TAF6L: variants seen among roughly 807,000 people sequenced by gnomAD.
The protein encoded by TAF6L is TATA-box binding protein associated factor 6 like.
In TAF6L, 34 loss-of-function variants were observed where a neutral mutation model predicts 57.3. The observed-to-expected ratio is 0.59, with a 90% CI of 0.45 to 0.79. The LOEUF is 0.79. TAF6L is among the 30% of genes least tolerant of loss of function. TAF6L has a pLI of 0.00. For missense variants in TAF6L, 782 were observed against 853.2 expected, an observed-to-expected ratio of 0.92 and a Z score of 1.04; for synonymous variants, 417 against 376.3, an observed-to-expected ratio of 1.11 and a Z score of -1.25.
intron 1 of TAF6L, among the ~76,000 whole-genome samples, chr11:62,773,619 G>C (rs1198746782): frequency 6.6e-6 from 1 of 151,608 alleles, no homozygotes; most frequent in Non-Finnish European, 1.5e-5. Flanking sequence ...GGCTAATTTT[G>C]TATTTGTAGT....
intron 1 of TAF6L, among the ~76,000 whole-genome samples, chr11:62,774,967 A>G (rs1465577457): frequency 1.3e-5 from 2 of 149,500 alleles, no homozygotes; most frequent in African/African-American, 2.5e-5. Flanking sequence ...CAGGAGGCTG[A>G]GGCAGATAAT....
intron 6 of TAF6L, among the ~76,000 whole-genome samples, chr11:62,779,775 C>T (rs886651990): frequency 5.3e-5 from 8 of 151,140 alleles, no homozygotes; most frequent in Non-Finnish European, 1.2e-4. Flanking sequence ...AAGCAATTCT[C>T]CCACCTCAGC....
chr11:62,776,748 A>G (rs2084191039), intron 3 of TAF6L, among the ~76,000 whole-genome samples: 1 of 151,780 alleles, frequency 6.6e-6, no homozygotes, highest in Non-Finnish European at 1.5e-5. Flanking sequence ...CTAGTCAGGA[A>G]ACTGAGGCAT....
intron 6 of TAF6L, among the ~76,000 whole-genome samples, chr11:62,779,952 CTA>C (rs1225374367): frequency 0.018 from 1,812 of 99,998 alleles, 109 homozygotes; most frequent in African/African-American, 0.066. Flanking sequence ...AGGCGTGAGC[CTA>C]TATATATATA....
chr11:62,786,676 T>C lies in TAF6L; in HGVS notation c.1249T>C (p.Ser417Pro). 6.2e-7 allele frequency: 1 copy of C among 1,611,796 alleles called. No individual in the cohort carries two copies. Among genetic ancestry groups the C allele is most frequent in the South Asian group, 1.1e-5 (1 of 90,916 alleles). Residue 417 changes from serine (S) to proline (P), a missense_variant, in exon 11 of 11, where the codon TCC becomes CCC. Physicochemically the swap from Ser to Pro is moderately conservative, Grantham distance 74. Coordinates refer to ENST00000294168, the MANE Select transcript of TAF6L (RefSeq NM_006473.4). ...GGGCGGTGCAGAACCCAGCTTTGGG[T>C]CCGGCCTCCCGCTGCCGCCAGGGGG... ...SGGGAEPSFGSGLPLPPGGAG... is the reference protein window; with the variant it reads ...SGGGAEPSFGPGLPLPPGGAG...
chr11:62,775,129 C>T (rs2084176863), intron 1 of TAF6L, among the ~76,000 whole-genome samples: 1 of 151,310 alleles, frequency 6.6e-6, no homozygotes, highest in Non-Finnish European at 1.5e-5. Context: ...TGACTCAATG[C>T]TGGGGAGGCC....
At chr11:62,780,963 C>T (rs952075875) in intron 6 of TAF6L, among the ~76,000 whole-genome samples, 35 of 143,420 alleles carry the variant, frequency 2.4e-4, no homozygotes, top group African/African-American at 6.1e-4. Context: ...GGGCCGGGCA[C>T]GGTGGCTAAC....
chr11:62,774,987 C>G (rs575464653), intron 1 of TAF6L, among the ~76,000 whole-genome samples: 1 of 151,418 alleles, frequency 6.6e-6, no homozygotes, highest in African/African-American at 2.4e-5. Flanking sequence ...TTACTTGAAC[C>G]CGGGAGGCGG....
chr11:62,776,094 A>C (rs927595817), intron 2 of TAF6L, among the ~76,000 whole-genome samples, 164 bp downstream of exon 2: 2 of 152,250 alleles, frequency 1.3e-5, no homozygotes, highest in East Asian at 3.8e-4. Context: ...CTGGGCTTCC[A>C]GCAGACAAAG....
intron 1 of TAF6L, among the ~76,000 whole-genome samples, chr11:62,775,163 G>T (rs188607885): frequency 1.3e-5 from 2 of 152,214 alleles, no homozygotes; most frequent in African/African-American, 4.8e-5. Context: ...AGTCATGGTG[G>T]AAGAGGAAGC....
intron 1 of TAF6L, among the ~76,000 whole-genome samples, chr11:62,774,996 G>A (rs564474488): frequency 3.3e-5 from 5 of 151,626 alleles, no homozygotes; most frequent in Admixed American, 2.0e-4. Flanking sequence ...CCCGGGAGGC[G>A]GAGGTTGCAG....
At position 62,782,107 on chromosome 11, in the gene TAF6L, C is replaced by A; in HGVS notation, c.607-6C>A. 6.2e-7 allele frequency: 1 copy of A among 1,600,226 alleles called. No homozygotes were observed. Among genetic ancestry groups the A allele is most frequent in the Non-Finnish European group, 8.5e-7 (1 of 1,172,112 alleles). On this transcript the variant is annotated splice_region_variant and splice_polypyrimidine_tract_variant and intron_variant, in intron 7 of 10. Transcript: ENST00000294168. ...GTCCCTGTAAGCTACCCTCTTCTCC[C>A]AACAGGTGAAATCTGTAAGCCATGA...
At chr11:62,773,117 A>C (rs2084161869) in intron 1 of TAF6L, among the ~76,000 whole-genome samples, 1 of 151,422 alleles carries the variant, frequency 6.6e-6, no homozygotes, top group Non-Finnish European at 1.5e-5. Flanking sequence ...CTGGGATTAC[A>C]GGCGTGAGCC....
At position 62,787,253 on chromosome 11, in the gene TAF6L, G is replaced by T. The variant is rs773379490; in HGVS notation, c.1826G>T (p.Arg609Leu). The change falls in exon 11 of 11, where the codon CGC becomes CTC. Residue 609 changes from arginine (R) to leucine (L), a missense_variant. Transcript: ENST00000294168. Reference protein sequence around the residue: ...PMIGRTSRPARRWALSDYSLY... With the variant: ...PMIGRTSRPALRWALSDYSLY... Reference sequence around the variant, plus strand: ...ATCGGCCGTACCAGCCGCCCCGCCCGCCGGTGGGCGCTCTCGGACTACTCG... The same window carrying T: ...ATCGGCCGTACCAGCCGCCCCGCCCTCCGGTGGGCGCTCTCGGACTACTCG... 6 of 1,566,046 alleles carry T rather than the reference G, an allele frequency of 3.8e-6. No individual in the cohort carries two copies. The highest frequency in any genetic ancestry group is 1.4e-5 in the African/African-American group (1 of 72,188).
Position 62,775,938 on chromosome 11 carries a change from C to A in TAF6L, c.147+8C>A, listed in dbSNP as rs752387096. ...CTGAGAGAGGCCACGCAGGTACACT[C>A]CCCTCACCCCCTGATACCTCCAACT... On this transcript the variant is annotated splice_region_variant and intron_variant, in intron 2 of 10. Transcript: ENST00000294168. 17 of 1,594,726 alleles carry A rather than the reference C, an allele frequency of 1.1e-5. No homozygotes were observed. The African/African-American group carries it at 2.0e-4, about 19-fold the overall frequency.
intron 2 of TAF6L, 91 bp downstream of exon 2, chr11:62,776,021 C>CT (rs1306964833): frequency 6.9e-6 from 10 of 1,439,352 alleles, no homozygotes; most frequent in Non-Finnish European, 8.4e-6. Flanking sequence ...CAAGTGTACA[C>CT]TGGGTGCCTG....
At position 62,782,769 on chromosome 11, in the gene TAF6L, C is replaced by T. The variant is rs1436716348; in HGVS notation, c.904C>T (p.Arg302Trp). The part of the protein sequence containing the change: ...SLQKILADPV[R>W]PLCCHYGAVV... ...GCAGAAGATCCTGGCAGATCCTGTG[C>T]GGCCGCTCTGCTGCCACTATGGAGC... The change falls in exon 9 of 11, where the codon CGG becomes TGG. Residue 302 changes from arginine to tryptophan, a missense_variant. Arg to Trp is a moderately radical substitution (Grantham distance 101). Around this residue, in one of 3 missense-constraint regions of TAF6L, gnomAD observed 79 missense variants for 156.0 expected, o/e 0.51. Coordinates refer to ENST00000294168, the MANE Select transcript of TAF6L (RefSeq NM_006473.4). 1.2e-6 allele frequency: 2 copies of T among 1,613,308 alleles called. No homozygotes were observed. Among genetic ancestry groups the T allele is most frequent in the Non-Finnish European group, 1.7e-6 (2 of 1,180,020 alleles).
At chr11:62,776,923 C>T (rs908503858) in intron 3 of TAF6L, among the ~76,000 whole-genome samples, 3 of 151,440 alleles carry the variant, frequency 2.0e-5, no homozygotes, top group East Asian at 3.9e-4. Context: ...TGGAGGCCGG[C>T]GGATCACGAA....
At chr11:62,775,956 C>T (rs781439035) in intron 2 of TAF6L, 26 bp downstream of exon 2, 1 of 1,576,380 alleles carries the variant, frequency 6.3e-7, no homozygotes, top group African/African-American at 1.4e-5. Context: ...CCCCTGATAC[C>T]TCCAACTTTC....
Sources: gnomAD v4.1 joint callset for allele counts (sites outside exome capture counted in the v4.1 genomes callset) on GRCh38, gnomAD v4.1.1 for gene constraint, gnomAD v4.1.1 regional missense constraint, MANE v1.5 for transcripts, NCBI Gene and HGNC (gene_info 2026-07-23, HGNC 2026-07-21) for gene names.